The following VIPR2 variants were observed in gnomAD, a reference collection of about 807,000 sequenced individuals.
VIPR2 encodes vasoactive intestinal peptide receptor 2.
A neutral mutation model predicts 58.0 loss-of-function variants in VIPR2; 48 were observed. The observed-to-expected ratio is 0.83, with a 90% CI of 0.66 to 1.05. VIPR2 has a LOEUF of 1.05. Among genes scored for constraint, VIPR2 ranks in the 50% least tolerant of loss-of-function variants. The pLI is 0.00. For synonymous variants in VIPR2, 243 were observed against 235.2 expected, an observed-to-expected ratio of 1.03 and a Z score of -0.30; for missense variants, 534 against 558.0, an observed-to-expected ratio of 0.96 and a Z score of 0.43.
chr7:159,140,496 C>T (rs1797420803), intron 2 of VIPR2, among the ~76,000 whole-genome samples: 1 of 152,214 alleles, frequency 6.6e-6, no homozygotes, highest in South Asian at 2.1e-4. Context: ...CTGCTTCTCT[C>T]CTGAAGGGCA....
At chr7:159,035,836 T>C in intron 8 of VIPR2, 116 bp downstream of exon 8, 1 of 1,457,424 alleles carries the variant, frequency 6.9e-7, no homozygotes, top group Non-Finnish European at 9.1e-7. Context: ...GGCTGTCGGT[T>C]GGCCGCAAAC....
intron 5 of VIPR2, among the ~76,000 whole-genome samples, chr7:159,049,867 C>T (rs1220354865): frequency 6.6e-6 from 1 of 152,138 alleles, no homozygotes; most frequent in Non-Finnish European, 1.5e-5. Context: ...AAATGCAGCC[C>T]GAAACCCACA....
intron 5 of VIPR2, among the ~76,000 whole-genome samples, chr7:159,054,928 AAT>A (rs1282212913): frequency 6.6e-6 from 1 of 152,200 alleles, no homozygotes; most frequent in East Asian, 1.9e-4. Context: ...ATGACCAGTA[AAT>A]ATAAGATAAA....
chr7:159,078,002 T>G (rs1040238293), intron 4 of VIPR2, among the ~76,000 whole-genome samples: 4 of 152,226 alleles, frequency 2.6e-5, no homozygotes, highest in African/African-American at 9.6e-5. Flanking sequence ...CCCTGCAAGT[T>G]GAAACTGGAA....
Position 159,097,159 on chromosome 7 carries a change from CTGTGATCTT to C in VIPR2, c.357+6589_357+6597del. 2.8e-6 allele frequency: 4 copies of C among 1,449,312 alleles called. No homozygotes were observed. The allele number at this position is 1,449,312 out of a possible 1,614,324, so 89.8% of individuals were successfully genotyped here. ...ACAAAGGCATCTGCAGTGCCAGCTG[CTGTGATCTT>C]TGTCACCAGGGATGGGAGCCCTGGG... On this transcript the variant is annotated intron_variant, in intron 4 of 12. Coordinates refer to ENST00000262178, the MANE Select transcript of VIPR2 (RefSeq NM_003382.5). This position sits in a 1 kb window ranked among gnomAD's most constrained non-coding sequence, Gnocchi z 5.3.
At chr7:159,044,534 C>T (rs2129493526) in intron 5 of VIPR2, among the ~76,000 whole-genome samples, 1 of 150,932 alleles carries the variant, frequency 6.6e-6, no homozygotes, top group Admixed American at 6.6e-5. Context: ...AAGTTTCTGA[C>T]TTAAAGTCAT....
chr7:159,061,741 C>A (rs891418246), intron 4 of VIPR2, among the ~76,000 whole-genome samples: 4 of 152,226 alleles, frequency 2.6e-5, no homozygotes, highest in African/African-American at 9.6e-5. Flanking sequence ...TGGGCGCCCA[C>A]CAGGGTTGAG....
chr7:159,063,822 GTCCGGGGGT>G (rs1855888945), intron 4 of VIPR2, among the ~76,000 whole-genome samples: 1 of 105,168 alleles, frequency 9.5e-6, no homozygotes, highest in African/African-American at 4.5e-5. Flanking sequence ...TCCTGGTGGG[GTCCGGGGGT>G]CCTGGTGGGG....
Position 159,096,774 on chromosome 7 carries a change from G to T in VIPR2, c.357+6983C>A. The T allele has an allele frequency of 7.1e-7, 1 of 1,411,356 alleles. No individual in the cohort carries two copies. Among genetic ancestry groups the T allele is most frequent in the Non-Finnish European group, 9.3e-7 (1 of 1,078,088 alleles). 87.4% of individuals were successfully genotyped at this position (1,411,356 alleles called of 1,614,324 possible). A position where few individuals can be genotyped will look rare whatever the true frequency, so the allele number is the denominator to read the frequency against. ...TGCCTGTGGCCAGATTTCTGCCCCTGCCTGAGGTCAGTCTCGTGGCCCCCG... is the reference window on the plus strand; with the variant it reads ...TGCCTGTGGCCAGATTTCTGCCCCTTCCTGAGGTCAGTCTCGTGGCCCCCG... On this transcript the variant is annotated intron_variant, in intron 4 of 12. Coordinates refer to ENST00000262178, the MANE Select transcript of VIPR2 (RefSeq NM_003382.5). This position sits in a 1 kb window ranked among gnomAD's most constrained non-coding sequence, Gnocchi z 5.5.
At chr7:159,082,890 A>C (rs150172416) in intron 4 of VIPR2, among the ~76,000 whole-genome samples, 1 of 152,368 alleles carries the variant, frequency 6.6e-6, no homozygotes, top group East Asian at 1.9e-4. Flanking sequence ...CAGTGTATCA[A>C]TGGGTCACCG....
At chr7:159,120,743 C>T (rs1170041838) in intron 2 of VIPR2, among the ~76,000 whole-genome samples, 2 of 152,170 alleles carry the variant, frequency 1.3e-5, no homozygotes, top group African/African-American at 4.8e-5. Flanking sequence ...TGTGTCCCAC[C>T]GCACCCTATT....
At chr7:159,073,819 T>C (rs1856517182) in intron 4 of VIPR2, among the ~76,000 whole-genome samples, 1 of 152,172 alleles carries the variant, frequency 6.6e-6, no homozygotes, top group Non-Finnish European at 1.5e-5. Context: ...AGGGCAGAAC[T>C]CTACACCTCT....
chr7:159,041,491 G>A (rs957060491), intron 6 of VIPR2, among the ~76,000 whole-genome samples: 1 of 128,094 alleles, frequency 7.8e-6, no homozygotes, highest in African/African-American at 2.8e-5. Context: ...TTTCCATGTC[G>A]CGGGTCCCAA....
In VIPR2 at chr7:159,084,739, G is replaced by T. The variant is rs3812306; in HGVS notation, c.357+19018C>A. 1.6e-4 allele frequency among the ~76,000 whole-genome samples: 25 copies of T among 152,336 alleles called. 1 individual carries two copies. In the East Asian group the frequency reaches 4.8e-3, roughly 29 times the overall value. On this transcript the variant is annotated intron_variant, in intron 4 of 12. Coordinates refer to ENST00000262178, the MANE Select transcript of VIPR2 (RefSeq NM_003382.5). ...TGGTGCTGGCGCGGAGTGGGGTACAGGGAGGATTTCGGGGCATGGACTCCA... is the reference window on the plus strand; with the variant it reads ...TGGTGCTGGCGCGGAGTGGGGTACATGGAGGATTTCGGGGCATGGACTCCA...
At chr7:159,123,651 A>G (rs759973584) in intron 2 of VIPR2, among the ~76,000 whole-genome samples, 3 of 152,210 alleles carry the variant, frequency 2.0e-5, no homozygotes, top group Non-Finnish European at 2.9e-5. Flanking sequence ...AATGATTTAT[A>G]TTCCTCTTGG....
chr7:159,103,502 C>G (rs1858426830), intron 4 of VIPR2, among the ~76,000 whole-genome samples: 1 of 152,166 alleles, frequency 6.6e-6, no homozygotes, highest in Non-Finnish European at 1.5e-5. Context: ...TCACCATCTC[C>G]CAGACACATA....
intron 2 of VIPR2, among the ~76,000 whole-genome samples, chr7:159,139,759 T>G (rs552857231): frequency 2.0e-5 from 3 of 152,122 alleles, no homozygotes; most frequent in African/African-American, 7.2e-5. Flanking sequence ...GTCACACCCC[T>G]CCAGACGCGG....
chr7:159,101,671 G>A (rs866603364), intron 4 of VIPR2, among the ~76,000 whole-genome samples: 51 of 129,152 alleles, frequency 3.9e-4, no homozygotes, highest in Middle Eastern at 4.2e-3. Context: ...TGTTCCTGTG[G>A]TAGTGAACGG....
chr7:159,067,769 C>T (rs1856171129), intron 4 of VIPR2, among the ~76,000 whole-genome samples: 1 of 152,224 alleles, frequency 6.6e-6, no homozygotes, highest in African/African-American at 2.4e-5. Flanking sequence ...ATTTGAAAGA[C>T]CTTCAAGTTC....
Sources: allele counts gnomAD v4.1 joint callset (sites outside exome capture counted in the v4.1 genomes callset), GRCh38; gene constraint gnomAD v4.1.1; non-coding constraint Gnocchi (gnomAD v3.1); transcripts MANE v1.5; gene names NCBI Gene and HGNC (gene_info 2026-07-23, HGNC 2026-07-21).